The following LRP2 variants were observed in gnomAD, a reference collection of about 807,000 sequenced individuals.
LRP2 encodes the protein low-density lipoprotein receptor-related protein 2.
LRP2 carries 172 observed loss-of-function variants against 531.0 expected under a neutral mutation model. The ratio of observed to expected loss-of-function variants is 0.32; its 90% confidence interval spans 0.29 to 0.37. The LOEUF is 0.37. LRP2 is among the 10% of genes least tolerant of loss of function. The pLI, the probability that LRP2 is intolerant of heterozygous loss-of-function variation, is 1.00. For synonymous variants in LRP2, 1,992 were observed against 2,027.6 expected, an observed-to-expected ratio of 0.98 and a Z score of 0.47; for missense variants, 5,167 against 5,868.3, an observed-to-expected ratio of 0.88 and a Z score of 3.90.
intron 48 of LRP2, among the ~76,000 whole-genome samples, chr2:169,189,146 A>C (rs1346778380): frequency 6.6e-6 from 1 of 152,206 alleles, no homozygotes; most frequent in Non-Finnish European, 1.5e-5. Context: ...CATATGCATC[A>C]AGGAATCTTT....
chr2:169,237,016 A>G (rs1408213436), intron 28 of LRP2, 87 bp downstream of exon 28: 12 of 1,145,008 alleles, frequency 1.0e-5, no homozygotes, highest in Non-Finnish European at 1.6e-5. Flanking sequence ...CATATCAGCA[A>G]CATGCATATC....
At position 169,198,860 on chromosome 2, in the gene LRP2, C is replaced by T. The variant is rs1416430664; in HGVS notation, c.8504G>A (p.Cys2835Tyr). 2.5e-6 allele frequency: 4 copies of T among 1,613,822 alleles called. No individual in the cohort carries two copies. Among genetic ancestry groups the T allele is most frequent in the Non-Finnish European group, 3.4e-6 (4 of 1,179,892 alleles). ...GYTKCHNSNI[C>Y]IPRVYLCDGD... ...GTCACACAAATAAACGCGAGGAATACAAATATTTGAATTATGACATTTTGT... is the reference window on the plus strand; with the variant it reads ...GTCACACAAATAAACGCGAGGAATATAAATATTTGAATTATGACATTTTGT... The change falls in exon 45 of 79, where the codon TGT becomes TAT. Residue 2835 changes from cysteine (C) to tyrosine (Y), a missense_variant. By Grantham distance (194) the Cys-to-Tyr change is radical (BLOSUM62 -2). Around this residue, in one of 6 missense-constraint regions of LRP2, gnomAD observed 1,129 missense variants for 1,362.7 expected, o/e 0.83. Coordinates refer to ENST00000649046, the MANE Select transcript of LRP2 (RefSeq NM_004525.3).
At chr2:169,157,915 T>TAA (rs1686394699) in intron 63 of LRP2, among the ~76,000 whole-genome samples, 4 of 61,292 alleles carry the variant, frequency 6.5e-5, no homozygotes, top group African/African-American at 1.1e-4. Flanking sequence ...AGATAACAGA[T>TAA]AGAAATAAAT....
At chr2:169,327,168 G>A (rs868551155) in intron 1 of LRP2, among the ~76,000 whole-genome samples, 215 of 131,408 alleles carry the variant, frequency 1.6e-3, no homozygotes, top group African/African-American at 3.8e-3. Flanking sequence ...CAGCCGCCCC[G>A]TCCAGGAGGG....
rs532739697 is a variant in LRP2 at position 169,244,977 on chromosome 2, C to G, written c.3191-45G>C. 44 of 1,612,394 alleles carry G rather than the reference C, an allele frequency of 2.7e-5. No homozygotes were observed. In the South Asian group the frequency reaches 4.5e-4, roughly 17 times the overall value. On this transcript the variant is annotated intron_variant, in intron 21 of 78. Coordinates refer to ENST00000649046, the MANE Select transcript of LRP2 (RefSeq NM_004525.3). The stretch of plus-strand genomic sequence containing the variant: ...GTCATGAAGACATTTGTTTTTACAG[C>G]CTTTTAAATGAGTTCTTGCCTTATA...
At chr2:169,160,685 A>AAAAAAAACAAAACAAAAAAAAAC (rs1553487414) in intron 63 of LRP2, among the ~76,000 whole-genome samples, 2 of 94,234 alleles carry the variant, frequency 2.1e-5, no homozygotes, top group Non-Finnish European at 4.3e-5. Context: ...ATTTCCTTAA[A>AAAAAAAACAAAACAAAAAAAAAC]AAAAAAAAAA....
intron 76 of LRP2, 101 bp from the exon 77 acceptor site, chr2:169,132,782 G>T: frequency 1.4e-6 from 1 of 733,232 alleles, no homozygotes; most frequent in South Asian, 1.4e-5. Context: ...TTGCCATCTT[G>T]TTCTCCCACA....
rs753651507 is a variant in LRP2, at chr2:169,154,630, T to C, written c.12152-27A>G. The C allele has an allele frequency of 5.6e-6, 9 of 1,609,784 alleles. No individual in the cohort carries two copies. In the South Asian group the frequency reaches 8.8e-5, roughly 16 times the overall value. ...TGTAAACAAACAAAGGGCTACTTTA[T>C]CTGTTTGAATTATACTTTCCTATAT... On this transcript the variant is annotated intron_variant, in intron 65 of 78. Coordinates refer to ENST00000649046, the MANE Select transcript of LRP2 (RefSeq NM_004525.3).
intron 29 of LRP2, among the ~76,000 whole-genome samples, chr2:169,234,382 T>C (rs772825529): frequency 2.0e-4 from 30 of 152,172 alleles, no homozygotes; most frequent in Non-Finnish European, 3.5e-4. Context: ...CACTTATGAG[T>C]GACAACATGA....
chr2:169,140,636 G>A, intron 71 of LRP2, 91 bp from the exon 72 acceptor site: 1 of 922,102 alleles, frequency 1.1e-6, no homozygotes, highest in African/African-American at 1.6e-5. Flanking sequence ...GGGGTGGGAG[G>A]AGGGGCAGGC....
At chr2:169,257,029 C>T (rs1690330036) in intron 18 of LRP2, 95 bp downstream of exon 18, 1 of 1,415,086 alleles carries the variant, frequency 7.1e-7, no homozygotes, top group African/African-American at 1.4e-5. Flanking sequence ...GCAAGCAGTA[C>T]CAGTTTCCTT....
At chr2:169,156,483 T>C in intron 64 of LRP2, 78 bp from the exon 65 acceptor site, 3 of 1,550,208 alleles carry the variant, frequency 1.9e-6, no homozygotes, top group South Asian at 1.1e-5. Context: ...TTTAAACCCA[T>C]ATTCACCAGC....
intron 70 of LRP2, 141 bp downstream of exon 70, chr2:169,145,606 A>C: frequency 1.3e-6 from 1 of 788,610 alleles, no homozygotes; most frequent in Non-Finnish European, 2.1e-6. Context: ...CCCCCAGCAA[A>C]CGTACATACA....
At chr2:169,269,322 C>T (rs1167353174) in intron 16 of LRP2, among the ~76,000 whole-genome samples, 1 of 152,136 alleles carries the variant, frequency 6.6e-6, no homozygotes, top group East Asian at 1.9e-4. Context: ...AAGAACAAAG[C>T]TGAAGGCATC....
intron 14 of LRP2, among the ~76,000 whole-genome samples, chr2:169,273,869 T>G (rs1683485201): frequency 6.6e-6 from 1 of 152,216 alleles, no homozygotes; most frequent in Non-Finnish European, 1.5e-5. Context: ...ATTGATCTAA[T>G]GGATCTAATG....
intron 1 of LRP2, among the ~76,000 whole-genome samples, chr2:169,345,125 T>C (rs1389366810): frequency 6.6e-6 from 1 of 152,228 alleles, no homozygotes; most frequent in Non-Finnish European, 1.5e-5. Flanking sequence ...TAATCTTCTT[T>C]GAAAACATCA....
At chr2:169,292,056 CT>C (rs1392833085) in intron 7 of LRP2, among the ~76,000 whole-genome samples, 196 bp downstream of exon 7, 2 of 152,098 alleles carry the variant, frequency 1.3e-5, no homozygotes, top group African/African-American at 4.8e-5. Flanking sequence ...TATTTGTGTT[CT>C]GAATCTTCTT....
At chr2:169,361,340 GTCTC>G (rs1240569991) in intron 1 of LRP2, among the ~76,000 whole-genome samples, 401 of 23,228 alleles carry the variant, frequency 0.017, 7 homozygotes, top group Non-Finnish European at 0.014. Context: ...GTCTCTCTCT[GTCTC>G]TCTCTGTCTC....
At chr2:169,308,722 C>T (rs188157280) in intron 3 of LRP2, among the ~76,000 whole-genome samples, 5 of 152,202 alleles carry the variant, frequency 3.3e-5, no homozygotes, top group African/African-American at 9.6e-5. Flanking sequence ...ATTTATAATC[C>T]TTTGGGTATA....
Sources: gnomAD v4.1 joint callset for allele counts (sites outside exome capture counted in the v4.1 genomes callset) on GRCh38, gnomAD v4.1.1 for gene constraint, gnomAD v4.1.1 regional missense constraint, MANE v1.5 for transcripts, NCBI Gene and HGNC (gene_info 2026-07-23, HGNC 2026-07-21) for gene names.